SBF2: variants seen among roughly 807,000 people sequenced by gnomAD.
SBF2 encodes the protein myotubularin-related protein 13.
In SBF2, 112 loss-of-function variants were observed where a neutral mutation model predicts 225.2. The observed-to-expected ratio is 0.50, with a 90% CI of 0.43 to 0.58. The LOEUF (loss-of-function observed/expected upper bound fraction) is 0.58, where lower values mean the gene tolerates loss of function less well. Among genes scored for constraint, SBF2 ranks in the 20% least tolerant of loss-of-function variants. The probability of loss-of-function intolerance (pLI) is 0.00; values close to 1 mark genes in which losing one functional copy is unlikely to be tolerated. For synonymous variants in SBF2, 763 were observed against 773.3 expected (o/e 0.99, Z 0.22); for missense variants, 1,996 against 2,206.2 (o/e 0.90, Z 1.91).
At chr11:9,819,502 T>C (rs1401655796) in intron 28 of SBF2, 1 of 152,148 alleles carries the variant, frequency 6.6e-6, no homozygotes, top group African/African-American at 2.4e-5. Context: ...TGAGTACCTG[T>C]TAAATGAAAT....
intron 17 of SBF2, among the ~76,000 whole-genome samples, chr11:9,885,484 C>T (rs866273970): frequency 5.9e-5 from 9 of 152,204 alleles, no homozygotes; most frequent in Admixed American, 1.3e-4. Flanking sequence ...GGTCTGTATA[C>T]TTCACGATCT....
At chr11:10,056,255 T>G (rs1311899123) in intron 2 of SBF2, among the ~76,000 whole-genome samples, 1 of 152,222 alleles carries the variant, frequency 6.6e-6, no homozygotes, top group Non-Finnish European at 1.5e-5. Flanking sequence ...AATTTTAAAA[T>G]AATTTTTTCT....
intron 36 of SBF2, among the ~76,000 whole-genome samples, chr11:9,787,016 C>T (rs1348311133): frequency 6.6e-6 from 1 of 152,152 alleles, no homozygotes; most frequent in Non-Finnish European, 1.5e-5. Flanking sequence ...CTGCCTCAGC[C>T]TCCTGAGTAG....
intron 1 of SBF2, among the ~76,000 whole-genome samples, chr11:10,261,907 A>G (rs148704142): frequency 2.2e-3 from 330 of 152,338 alleles, no homozygotes; most frequent in African/African-American, 7.6e-3. Context: ...ATGATGTTCT[A>G]GAATAGGAAA....
intron 17 of SBF2, among the ~76,000 whole-genome samples, chr11:9,891,300 T>C (rs1860794131): frequency 6.6e-6 from 1 of 152,208 alleles, no homozygotes; most frequent in African/African-American, 2.4e-5. Context: ...AAAAGTAACC[T>C]TTAGACATGA....
chr11:10,239,528 T>C (rs1366495294), intron 1 of SBF2, among the ~76,000 whole-genome samples: 2 of 148,216 alleles, frequency 1.3e-5, no homozygotes, highest in Non-Finnish European at 3.0e-5. Context: ...CACAATATAA[T>C]GGAGTAGGAG....
chr11:10,009,913 ATC>A (rs2134548303), intron 6 of SBF2, among the ~76,000 whole-genome samples: 1 of 152,268 alleles, frequency 6.6e-6, no homozygotes, highest in East Asian at 1.9e-4. Flanking sequence ...CCTCTCCAGC[ATC>A]TGTTGTTTCC....
At chr11:10,095,285 TAAGAA>T (rs1332672918) in intron 2 of SBF2, among the ~76,000 whole-genome samples, 1 of 152,142 alleles carries the variant, frequency 6.6e-6, no homozygotes, top group Non-Finnish European at 1.5e-5. Context: ...ATTTAAATAG[TAAGAA>T]AATATTATCA....
chr11:10,127,460 C>G (rs946508417), intron 2 of SBF2, among the ~76,000 whole-genome samples: 1 of 152,010 alleles, frequency 6.6e-6, no homozygotes, highest in African/African-American at 2.4e-5. Context: ...TTGTTGTTAT[C>G]TCATCAACAT....
intron 13 of SBF2, among the ~76,000 whole-genome samples, chr11:9,984,039 A>C (rs1316057387): frequency 6.6e-6 from 1 of 152,172 alleles, no homozygotes; most frequent in Non-Finnish European, 1.5e-5. Flanking sequence ...CCCCCCAAAA[A>C]TCACACTAGT....
intron 16 of SBF2, among the ~76,000 whole-genome samples, chr11:9,954,082 ATAGG>A (rs1866010979): frequency 6.6e-6 from 1 of 152,246 alleles, no homozygotes; most frequent in Non-Finnish European, 1.5e-5. Flanking sequence ...AAATGAAATG[ATAGG>A]TAGGAATAGT....
chr11:9,955,071 G>A (rs1030219773), intron 16 of SBF2, among the ~76,000 whole-genome samples: 44 of 151,890 alleles, frequency 2.9e-4, no homozygotes, highest in Admixed American at 1.1e-3. Context: ...CTTCTCATAG[G>A]ATGCTAAAAT....
Position 10,247,726 on chromosome 11 carries a change from A to G in SBF2, c.55+46289T>C, listed in dbSNP as rs139790069. Among the ~76,000 whole-genome samples the G allele has an allele frequency of 2.0e-5, 3 of 152,148 alleles. No individual in the cohort carries two copies. In the East Asian group the frequency reaches 5.8e-4, roughly 29 times the overall value. ...AACAAATGAATAAAATAAAATAACAATCAAAATAGGAGGCAAAGCAAGATG... is the reference window on the plus strand; with the variant it reads ...AACAAATGAATAAAATAAAATAACAGTCAAAATAGGAGGCAAAGCAAGATG... On this transcript the variant is annotated intron_variant, in intron 1 of 39. Coordinates refer to ENST00000256190, the MANE Select transcript of SBF2 (RefSeq NM_030962.4).
At chr11:9,855,452 G>A in intron 19 of SBF2, among the ~76,000 whole-genome samples, 1 of 152,188 alleles carries the variant, frequency 6.6e-6, no homozygotes, top group East Asian at 1.9e-4. Flanking sequence ...GCTGCCTGAA[G>A]GAGCATGAGG....
At chr11:10,098,081 C>T (rs1394494711) in intron 2 of SBF2, among the ~76,000 whole-genome samples, 1 of 152,232 alleles carries the variant, frequency 6.6e-6, no homozygotes, top group East Asian at 1.9e-4. Flanking sequence ...GTCCCATCTG[C>T]CAACTAGGCT....
At chr11:10,197,695 C>A (rs563325080) in intron 1 of SBF2, among the ~76,000 whole-genome samples, 1 of 152,340 alleles carries the variant, frequency 6.6e-6, no homozygotes, top group South Asian at 2.1e-4. Context: ...ATTTTACCCA[C>A]AGCACAACTT....
At chr11:10,111,132 AATTAT>A (rs1385665883) in intron 2 of SBF2, among the ~76,000 whole-genome samples, 3 of 152,202 alleles carry the variant, frequency 2.0e-5, no homozygotes, top group Non-Finnish European at 2.9e-5. Flanking sequence ...AGAATGTTAA[AATTAT>A]ATGCTGACAT....
chr11:10,243,793 T>C (rs1959476694), intron 1 of SBF2, among the ~76,000 whole-genome samples: 1 of 152,020 alleles, frequency 6.6e-6, no homozygotes, highest in East Asian at 1.9e-4. Flanking sequence ...ATACGGAGAT[T>C]GAATCTATAA....
At chr11:9,942,415 A>G (rs72855639) in intron 16 of SBF2, among the ~76,000 whole-genome samples, 17,457 of 152,172 alleles carry the variant, frequency 0.11, 1,119 homozygotes, top group East Asian at 0.31. Context: ...TAGATACGAA[A>G]ACTTGCAAAA....
Sources: gnomAD v4.1 joint callset for allele counts (sites outside exome capture counted in the v4.1 genomes callset) on GRCh38, gnomAD v4.1.1 for gene constraint, MANE v1.5 for transcripts, NCBI Gene and HGNC (gene_info 2026-07-23, HGNC 2026-07-21) for gene names.